Variants in FSTL5 observed in about 807,000 individuals in gnomAD.
FSTL5 encodes follistatin-related protein 5.
Under a neutral mutation model 89.1 loss-of-function variants are expected in FSTL5, and 62 were observed. The ratio of observed to expected loss-of-function variants is 0.70; its 90% CI spans 0.57 to 0.86. The LOEUF is 0.86. Ranked by LOEUF, FSTL5 falls within the 40% of genes least tolerant of loss-of-function variation. The probability of loss-of-function intolerance (pLI) is 0.00; values close to 1 mark genes in which losing one functional copy is unlikely to be tolerated. For synonymous variants in FSTL5, 383 were observed against 346.2 expected (o/e 1.11, Z -1.18); for missense variants, 1,057 against 1,001.6 (o/e 1.06, Z -0.75).
intron 7 of FSTL5, among the ~76,000 whole-genome samples, chr4:161,632,668 G>C (rs1056834437): frequency 1.3e-5 from 2 of 152,052 alleles, no homozygotes; most frequent in African/African-American, 4.8e-5. Flanking sequence ...TTAAAAGAAA[G>C]AGTTTTTTAT....
At chr4:161,403,509 C>A (rs1340740876) in intron 15 of FSTL5, among the ~76,000 whole-genome samples, 4 of 152,058 alleles carry the variant, frequency 2.6e-5, no homozygotes, top group African/African-American at 9.7e-5. Flanking sequence ...ATTTTTTCTG[C>A]TTTTATGCTA....
intron 8 of FSTL5, among the ~76,000 whole-genome samples, chr4:161,560,168 T>C (rs990204078): frequency 1.3e-5 from 2 of 151,914 alleles, no homozygotes; most frequent in African/African-American, 4.8e-5. Flanking sequence ...ACCCCTGCTG[T>C]AGACAATTGT....
intron 8 of FSTL5, among the ~76,000 whole-genome samples, chr4:161,569,181 A>G (rs991249050): frequency 1.4e-4 from 22 of 152,128 alleles, no homozygotes; most frequent in African/African-American, 4.6e-4. Context: ...AGATCTCACT[A>G]TGTTACTTAG....
chr4:161,590,865 T>C (rs1390348002), intron 7 of FSTL5, among the ~76,000 whole-genome samples: 1 of 152,188 alleles, frequency 6.6e-6, no homozygotes, highest in Non-Finnish European at 1.5e-5. Flanking sequence ...CTAAGTTACT[T>C]AGGACTAGCA....
intron 4 of FSTL5, among the ~76,000 whole-genome samples, chr4:161,890,708 A>G (rs1732961222): frequency 7.1e-6 from 1 of 140,550 alleles, no homozygotes; most frequent in East Asian, 2.1e-4. Context: ...AAAAAAAAAC[A>G]GGGTCTATTC....
intron 15 of FSTL5, among the ~76,000 whole-genome samples, chr4:161,429,435 T>C (rs1191794021): frequency 6.6e-6 from 1 of 152,186 alleles, no homozygotes; most frequent in East Asian, 1.9e-4. Flanking sequence ...TGGCTTCAGC[T>C]CTAATCTAGC....
At chr4:162,056,158 T>A (rs1057036974) in intron 2 of FSTL5, among the ~76,000 whole-genome samples, 1 of 151,904 alleles carries the variant, frequency 6.6e-6, no homozygotes, top group Non-Finnish European at 1.5e-5. Flanking sequence ...ACATTTGCAA[T>A]GAATGTCACT....
At chr4:161,579,701 C>T (rs571105311) in intron 8 of FSTL5, among the ~76,000 whole-genome samples, 8 of 134,078 alleles carry the variant, frequency 6.0e-5, no homozygotes, top group East Asian at 2.2e-4. Context: ...TGGGCGATGG[C>T]GCAAGACCAT....
intron 4 of FSTL5, among the ~76,000 whole-genome samples, chr4:161,856,945 A>G (rs1413947769): frequency 6.6e-6 from 1 of 152,106 alleles, no homozygotes; most frequent in Non-Finnish European, 1.5e-5. Context: ...AAAACAGGCT[A>G]GTTTGAGTAA....
At chr4:161,992,696 T>G (rs1736146334) in intron 3 of FSTL5, among the ~76,000 whole-genome samples, 1 of 150,470 alleles carries the variant, frequency 6.6e-6, no homozygotes, top group African/African-American at 2.4e-5. Flanking sequence ...TACAAAAAAT[T>G]AGCTGGGAGT....
At position 162,100,931 on chromosome 4, in the gene FSTL5, C is replaced by T. The variant is rs117955462; in HGVS notation, c.126+10340G>A. ...GCATTTCTGATAACATACGAGAGCACGATTTTGACAGCCTGTTGGAAAGAG... is the reference window on the plus strand; with the variant it reads ...GCATTTCTGATAACATACGAGAGCATGATTTTGACAGCCTGTTGGAAAGAG... On this transcript the variant is annotated intron_variant, in intron 2 of 15. Coordinates refer to ENST00000306100, the MANE Select transcript of FSTL5 (RefSeq NM_020116.5). Among the ~76,000 whole-genome samples the T allele has an allele frequency of 3.9e-4, 59 of 152,262 alleles. No individual in the cohort carries two copies. In the East Asian group the frequency reaches 0.01, roughly 27 times the overall value.
In FSTL5 at chr4:161,510,412, AAT is replaced by A; in HGVS notation, c.1323_1324del (p.Leu442MetfsTer17). 6.5e-7 allele frequency: 1 copy of A among 1,540,814 alleles called. No individual in the cohort carries two copies. Among genetic ancestry groups the A allele is most frequent in the Non-Finnish European group, 8.7e-7 (1 of 1,144,860 alleles). ...CAACTTAGTACCTTCTTCTCTCCAT[AAT>A]ATGTTAGCTACTGCAGCATGTTGAA... On this transcript the variant is annotated frameshift_variant, in exon 11 of 16. Coordinates refer to ENST00000306100, the MANE Select transcript of FSTL5 (RefSeq NM_020116.5). LOFTEE classifies it high-confidence loss of function.
intron 13 of FSTL5, among the ~76,000 whole-genome samples, chr4:161,471,240 G>T (rs28812787): frequency 6.6e-6 from 1 of 151,966 alleles, no homozygotes; most frequent in Non-Finnish European, 1.5e-5. Context: ...CCCATTCCTA[G>T]TTTTTTGAGT....
At chr4:161,421,759 G>C (rs1354789229) in intron 15 of FSTL5, among the ~76,000 whole-genome samples, 1 of 152,090 alleles carries the variant, frequency 6.6e-6, no homozygotes, top group Non-Finnish European at 1.5e-5. Flanking sequence ...AAAGGAGGAG[G>C]GAGCTTAAAT....
intron 3 of FSTL5, among the ~76,000 whole-genome samples, chr4:162,008,442 C>T (rs1184204241): frequency 6.6e-6 from 1 of 151,740 alleles, no homozygotes. Flanking sequence ...AGAAATACTG[C>T]TATTTAATAA....
rs190977999 is a variant in FSTL5, at chr4:161,773,318, T to A, written c.606+2560A>T. On this transcript the variant is annotated intron_variant, in intron 5 of 15. Transcript: ENST00000306100. ...TCATGACCAAGAACCCAAAAGCAAATGCAACAAAAACAAAGATAAATAGAT... is the reference window on the plus strand; with the variant it reads ...TCATGACCAAGAACCCAAAAGCAAAAGCAACAAAAACAAAGATAAATAGAT... Among the ~76,000 whole-genome samples the A allele has an allele frequency of 2.2e-3, 334 of 150,990 alleles. 5 individuals carry two copies. The highest frequency in any genetic ancestry group is 0.021 in the Middle Eastern group (6 of 292).
At chr4:161,597,220 A>G (rs1029513126) in intron 7 of FSTL5, among the ~76,000 whole-genome samples, 2 of 152,092 alleles carry the variant, frequency 1.3e-5, no homozygotes, top group African/African-American at 2.4e-5. Flanking sequence ...AGGTGTAATG[A>G]AGGGATCCAG....
At chr4:162,064,215 G>A (rs1492457) in intron 2 of FSTL5, among the ~76,000 whole-genome samples, 6,786 of 151,908 alleles carry the variant, frequency 0.045, 209 homozygotes, top group East Asian at 0.11. Context: ...TAATATTTAC[G>A]GATAAGAATT....
intron 5 of FSTL5, among the ~76,000 whole-genome samples, chr4:161,766,941 T>C (rs953495342): frequency 9.9e-5 from 15 of 152,030 alleles, no homozygotes; most frequent in Non-Finnish European, 2.1e-4. Flanking sequence ...GATAGATAGA[T>C]AGATAGATAG....
Sources: gnomAD v4.1 joint callset for allele counts (sites outside exome capture counted in the v4.1 genomes callset) on GRCh38, gnomAD v4.1.1 for gene constraint, MANE v1.5 for transcripts, NCBI Gene and HGNC (gene_info 2026-07-23, HGNC 2026-07-21) for gene names.